IMMP2L: variants seen among roughly 807,000 people sequenced by gnomAD.
IMMP2L encodes inner mitochondrial membrane peptidase subunit 2.
IMMP2L carries 18 observed loss-of-function variants against 19.3 expected under a neutral mutation model. That is an observed-to-expected ratio of 0.93 (90% CI 0.64 to 1.38). The LOEUF is 1.38. IMMP2L is among the 40% of genes most tolerant of loss of function. IMMP2L has a pLI of 0.00. For synonymous variants in IMMP2L, 76 were observed against 73.0 expected, an observed-to-expected ratio of 1.04 and a Z score of -0.21; for missense variants, 233 against 218.2, an observed-to-expected ratio of 1.07 and a Z score of -0.43.
intron 3 of IMMP2L, among the ~76,000 whole-genome samples, chr7:111,389,083 A>C (rs1161121292): frequency 3.9e-5 from 6 of 152,170 alleles, no homozygotes; most frequent in Admixed American, 6.5e-5. Context: ...TGGGGCAAGA[A>C]AAGTACAAGA....
chr7:111,126,078 G>T (rs1203683710), intron 3 of IMMP2L, among the ~76,000 whole-genome samples: 1 of 151,878 alleles, frequency 6.6e-6, no homozygotes, highest in African/African-American at 2.4e-5. Context: ...CCACCTCGGT[G>T]CCCCAAAGTA....
intron 2 of IMMP2L, among the ~76,000 whole-genome samples, chr7:111,513,716 T>G (rs1418448391): frequency 6.6e-6 from 1 of 152,048 alleles, no homozygotes; most frequent in Non-Finnish European, 1.5e-5. Context: ...TGCTCATAAA[T>G]GGATGAAGGG....
At chr7:110,891,487 C>T (rs1228248907) in intron 4 of IMMP2L, among the ~76,000 whole-genome samples, 1 of 152,062 alleles carries the variant, frequency 6.6e-6, no homozygotes, top group East Asian at 1.9e-4. Context: ...TAGATAAATC[C>T]CAGCTGACAA....
At chr7:111,031,391 T>TGG (rs1790799908) in intron 3 of IMMP2L, among the ~76,000 whole-genome samples, 1 of 72,884 alleles carries the variant, frequency 1.4e-5, no homozygotes, top group African/African-American at 7.3e-5. Flanking sequence ...GGTGTGTGTG[T>TGG]GTGTGTGTGT....
intron 3 of IMMP2L, among the ~76,000 whole-genome samples, chr7:111,254,528 A>C (rs1816490947): frequency 6.6e-6 from 1 of 152,132 alleles, no homozygotes; most frequent in Non-Finnish European, 1.5e-5. Context: ...GCTGTTTTAA[A>C]TCTGGGGCAG....
At chr7:110,766,044 G>A (rs1455824791) in intron 5 of IMMP2L, among the ~76,000 whole-genome samples, 1 of 152,046 alleles carries the variant, frequency 6.6e-6, no homozygotes, top group African/African-American at 2.4e-5. Flanking sequence ...GTATCATGTG[G>A]CTATAATTTA....
In IMMP2L at chr7:111,065,690, C is replaced by A. The variant is rs572878346; in HGVS notation, c.240-102125G>T. ...CTACATCTTTCTCCTGTGCTGGATG[C>A]TTCCTGTTCTCGAACATCGGACTCC... On this transcript the variant is annotated intron_variant, in intron 3 of 5. Coordinates refer to ENST00000405709, the MANE Select transcript of IMMP2L (RefSeq NM_032549.4). Among the ~76,000 whole-genome samples the A allele has an allele frequency of 3.3e-5, 5 of 152,322 alleles. No homozygotes were observed. In the South Asian group the frequency reaches 1.0e-3, roughly 32 times the overall value.
chr7:111,378,954 C>G (rs1049320977), intron 3 of IMMP2L, among the ~76,000 whole-genome samples: 1 of 151,670 alleles, frequency 6.6e-6, no homozygotes, highest in African/African-American at 2.4e-5. Flanking sequence ...CATAAGAATA[C>G]AAGATAATTT....
chr7:111,291,189 G>C (rs1821065513), intron 3 of IMMP2L, among the ~76,000 whole-genome samples: 1 of 152,092 alleles, frequency 6.6e-6, no homozygotes, highest in African/African-American at 2.4e-5. Flanking sequence ...CTTGCAATTT[G>C]GGGTGATTCA....
At chr7:110,917,756 G>A (rs1023316522) in intron 4 of IMMP2L, among the ~76,000 whole-genome samples, 1 of 152,108 alleles carries the variant, frequency 6.6e-6, no homozygotes, top group South Asian at 2.1e-4. Context: ...CCATGTTAAT[G>A]TATTATCTAC....
intron 3 of IMMP2L, among the ~76,000 whole-genome samples, chr7:111,417,173 C>A (rs185944804): frequency 6.6e-6 from 1 of 151,612 alleles, no homozygotes; most frequent in African/African-American, 2.4e-5. Flanking sequence ...AAGCTTCAGG[C>A]CTCCTCATTT....
chr7:111,381,232 T>A (rs1199790797), intron 3 of IMMP2L, among the ~76,000 whole-genome samples: 1 of 151,872 alleles, frequency 6.6e-6, no homozygotes, highest in Non-Finnish European at 1.5e-5. Flanking sequence ...ACTACTAAGC[T>A]GAGATTTTTT....
intron 3 of IMMP2L, among the ~76,000 whole-genome samples, chr7:111,046,989 G>T (rs1182897390): frequency 6.6e-6 from 1 of 152,040 alleles, no homozygotes; most frequent in Non-Finnish European, 1.5e-5. Context: ...AGCAGATCTT[G>T]CTAAAGCAAG....
chr7:111,124,400 C>T, intron 3 of IMMP2L: 2 of 1,613,696 alleles, frequency 1.2e-6, no homozygotes, highest in Non-Finnish European at 1.7e-6. Flanking sequence ...TCCTGGAAAG[C>T]AAGTTCTAAA....
intron 3 of IMMP2L, among the ~76,000 whole-genome samples, chr7:111,355,432 G>A (rs189816640): frequency 2.6e-3 from 392 of 151,770 alleles, no homozygotes; most frequent in Admixed American, 8.1e-3. Flanking sequence ...CTTCTTCAAT[G>A]TAAATTGTAA....
At chr7:111,165,249 A>C (rs1347899919) in intron 3 of IMMP2L, among the ~76,000 whole-genome samples, 1 of 151,990 alleles carries the variant, frequency 6.6e-6, no homozygotes, top group Non-Finnish European at 1.5e-5. Context: ...CATATGTCCG[A>C]ACTTTCTTCT....
intron 4 of IMMP2L, among the ~76,000 whole-genome samples, chr7:110,934,545 A>T (rs1585328809): frequency 6.6e-6 from 1 of 152,194 alleles, no homozygotes. Flanking sequence ...AGAAGAAAGT[A>T]TAGGTTTTCC....
chr7:110,873,429 CAA>C (rs60827428), intron 5 of IMMP2L, among the ~76,000 whole-genome samples: 1,034 of 28,830 alleles, frequency 0.036, 2 homozygotes, highest in African/African-American at 0.093. Context: ...GACTCTATCT[CAA>C]AAAAAAAAAA....
intron 5 of IMMP2L, among the ~76,000 whole-genome samples, chr7:110,675,107 T>A (rs1792203920): frequency 6.6e-6 from 1 of 152,158 alleles, no homozygotes. Flanking sequence ...CAACTCTTAT[T>A]TTCTTGACCT....
Sources: gnomAD v4.1 joint callset for allele counts (sites outside exome capture counted in the v4.1 genomes callset) on GRCh38, gnomAD v4.1.1 for gene constraint, MANE v1.5 for transcripts, NCBI Gene and HGNC (gene_info 2026-07-23, HGNC 2026-07-21) for gene names.